CTNND2: variants seen among roughly 807,000 people sequenced by gnomAD.
CTNND2 encodes the protein catenin delta-2.
A neutral mutation model predicts 144.4 loss-of-function variants in CTNND2; 22 were observed. The observed-to-expected ratio is 0.15, with a 90% CI of 0.11 to 0.22. The LOEUF (loss-of-function observed/expected upper bound fraction) is 0.22. Ranked by LOEUF, CTNND2 falls within the 10% of genes least tolerant of loss-of-function variation. The pLI, the probability that CTNND2 is intolerant of heterozygous loss-of-function variation, is 1.00. For synonymous variants in CTNND2, 751 were observed against 695.6 expected (o/e 1.08, Z -1.25); for missense variants, 1,353 against 1,618.8 (o/e 0.84, Z 2.82).
intron 1 of CTNND2, among the ~76,000 whole-genome samples, chr5:11,849,318 G>A (rs1216703784): frequency 5.9e-5 from 9 of 152,146 alleles, no homozygotes; most frequent in Non-Finnish European, 1.3e-4. Context: ...CCCACAACAT[G>A]TGGGAATTAT....
At chr5:11,184,353 G>A (rs1735404309) in intron 11 of CTNND2, among the ~76,000 whole-genome samples, 1 of 152,160 alleles carries the variant, frequency 6.6e-6, no homozygotes, top group Admixed American at 6.5e-5. Flanking sequence ...TTAATTAACT[G>A]CACAGATAAG....
At chr5:11,206,337 C>A (rs1162225513) in intron 10 of CTNND2, among the ~76,000 whole-genome samples, 1 of 152,130 alleles carries the variant, frequency 6.6e-6, no homozygotes, top group Non-Finnish European at 1.5e-5. Context: ...AGAGCAGACA[C>A]CCTCCACAAA....
chr5:11,682,199 G>T (rs1210574258), intron 2 of CTNND2, among the ~76,000 whole-genome samples: 1 of 152,178 alleles, frequency 6.6e-6, no homozygotes, highest in Non-Finnish European at 1.5e-5. Flanking sequence ...AGTTTCATAT[G>T]CTCTTCCTAG....
At chr5:11,641,315 G>A (rs1781987893) in intron 2 of CTNND2, among the ~76,000 whole-genome samples, 1 of 152,038 alleles carries the variant, frequency 6.6e-6, no homozygotes, top group African/African-American at 2.4e-5. Flanking sequence ...GAACACAGTA[G>A]AAACATCTAT....
intron 14 of CTNND2, among the ~76,000 whole-genome samples, chr5:11,105,869 G>A (rs1311724797): frequency 1.3e-5 from 2 of 152,206 alleles, no homozygotes; most frequent in Admixed American, 6.5e-5. Flanking sequence ...GGTGAAGGCC[G>A]AGGGAGACTG....
At chr5:11,366,753 T>C (rs1035687856) in intron 7 of CTNND2, among the ~76,000 whole-genome samples, 1 of 152,150 alleles carries the variant, frequency 6.6e-6, no homozygotes, top group Non-Finnish European at 1.5e-5. Flanking sequence ...ACATTTAGAA[T>C]TGTTACTTTA....
intron 16 of CTNND2, among the ~76,000 whole-genome samples, chr5:11,045,035 C>A (rs1382216221): frequency 6.6e-6 from 1 of 152,220 alleles, no homozygotes; most frequent in Admixed American, 6.5e-5. Flanking sequence ...CCTCACAGTT[C>A]TGGAAGTCAC....
chr5:11,509,524 A>T (rs1325954070), intron 3 of CTNND2, among the ~76,000 whole-genome samples: 3 of 152,234 alleles, frequency 2.0e-5, no homozygotes, highest in Admixed American at 2.0e-4. Flanking sequence ...TAAAGAGCGG[A>T]TCACATAAGA....
intron 2 of CTNND2, among the ~76,000 whole-genome samples, chr5:11,612,239 A>T (rs1780367575): frequency 6.6e-6 from 1 of 152,202 alleles, no homozygotes; most frequent in Non-Finnish European, 1.5e-5. Context: ...TTACAAAAGG[A>T]ACATTTGAAG....
At chr5:10,998,148 T>C (rs910355022) in intron 18 of CTNND2, among the ~76,000 whole-genome samples, 1 of 152,176 alleles carries the variant, frequency 6.6e-6, no homozygotes, top group Admixed American at 6.5e-5. Flanking sequence ...TAAAATCAAA[T>C]ATGGAAAATG....
intron 1 of CTNND2, among the ~76,000 whole-genome samples, chr5:11,846,595 T>C (rs774398025): frequency 1.3e-5 from 2 of 152,008 alleles, no homozygotes; most frequent in Non-Finnish European, 2.9e-5. Context: ...AATAGACTAA[T>C]GGGATTACAT....
intron 9 of CTNND2, among the ~76,000 whole-genome samples, chr5:11,296,543 C>A (rs1263314634): frequency 6.6e-6 from 1 of 151,970 alleles, no homozygotes; most frequent in African/African-American, 2.4e-5. Context: ...CGTATGTTTA[C>A]TGCGGCACTA....
intron 16 of CTNND2, among the ~76,000 whole-genome samples, chr5:11,051,267 T>G (rs1031467245): frequency 6.6e-6 from 1 of 152,172 alleles, no homozygotes; most frequent in Non-Finnish European, 1.5e-5. Context: ...TGCAGAGAGA[T>G]ATGAGTTAAC....
chr5:11,699,072 T>C (rs1282491439), intron 2 of CTNND2, among the ~76,000 whole-genome samples: 2 of 151,732 alleles, frequency 1.3e-5, no homozygotes, highest in Admixed American at 1.3e-4. Flanking sequence ...CATAGTTAGA[T>C]TTAATCTACT....
chr5:11,466,362 T>C (rs1179791563), intron 3 of CTNND2, among the ~76,000 whole-genome samples: 1 of 152,130 alleles, frequency 6.6e-6, no homozygotes, highest in East Asian at 1.9e-4. Flanking sequence ...CTCCGCTGAG[T>C]TCTAAGCCTT....
rs62337505 is a variant in CTNND2 at position 11,459,211 on chromosome 5, C to A, written c.288-47142G>T. Among the ~76,000 whole-genome samples, 300 of 152,228 alleles carry A rather than the reference C, an allele frequency of 2.0e-3. 1 individual carries two copies. Among genetic ancestry groups the A allele is most frequent in the Non-Finnish European group, 2.9e-3 (198 of 68,004 alleles). On this transcript the variant is annotated intron_variant, in intron 3 of 21. Coordinates refer to ENST00000304623, the MANE Select transcript of CTNND2 (RefSeq NM_001332.4). Reference sequence around the variant, plus strand: ...ATTATTGTTGTTATATTACCATTTACAGAGTTAAAGAGTTTAAAGGATTTA... The same window carrying A: ...ATTATTGTTGTTATATTACCATTTAAAGAGTTAAAGAGTTTAAAGGATTTA...
At chr5:11,658,896 G>T (rs1158985840) in intron 2 of CTNND2, among the ~76,000 whole-genome samples, 6 of 151,990 alleles carry the variant, frequency 3.9e-5, no homozygotes, top group East Asian at 1.9e-4. Context: ...GTTTACAAAG[G>T]ACTACTGAAA....
At chr5:11,227,172 T>G (rs1396344286) in intron 10 of CTNND2, among the ~76,000 whole-genome samples, 2 of 152,258 alleles carry the variant, frequency 1.3e-5, no homozygotes, top group African/African-American at 4.8e-5. Context: ...TACATTTAAC[T>G]GTTGGAAAGA....
intron 3 of CTNND2, among the ~76,000 whole-genome samples, chr5:11,516,128 A>G (rs1772145409): frequency 6.6e-6 from 1 of 152,132 alleles, no homozygotes; most frequent in African/African-American, 2.4e-5. Context: ...ACTTAGTTTA[A>G]GTGCAATAAT....
Sources: allele counts gnomAD v4.1 joint callset (sites outside exome capture counted in the v4.1 genomes callset), GRCh38; gene constraint gnomAD v4.1.1; transcripts MANE v1.5; gene names NCBI Gene and HGNC (gene_info 2026-07-23, HGNC 2026-07-21).